The following NEK10 variants were observed in gnomAD, a reference collection of about 807,000 sequenced individuals.
The protein encoded by NEK10 is serine/threonine-protein kinase Nek10.
NEK10 carries 122 observed loss-of-function variants against 159.8 expected under a neutral mutation model. That is an observed-to-expected ratio of 0.76 (90% confidence interval 0.66 to 0.89). The LOEUF (loss-of-function observed/expected upper bound fraction) is 0.89. Among genes scored for constraint, NEK10 ranks in the 40% least tolerant of loss-of-function variants. The probability of loss-of-function intolerance (pLI) is 0.00; values close to 1 mark genes in which losing one functional copy is unlikely to be tolerated. For synonymous variants in NEK10, 466 were observed against 457.1 expected (o/e 1.02, Z -0.25); for missense variants, 1,342 against 1,323.1 (o/e 1.01, Z -0.22).
intron 1 of NEK10, among the ~76,000 whole-genome samples, chr3:27,365,606 T>TG (rs372186868): frequency 0.16 from 17,761 of 108,730 alleles, 1,408 homozygotes; most frequent in Admixed American, 0.21. Flanking sequence ...TGTTTTTTTT[T>TG]TGTGTTTTTT....
chr3:27,330,267 AATC>A (rs1345442987), intron 5 of NEK10, among the ~76,000 whole-genome samples: 1 of 152,202 alleles, frequency 6.6e-6, no homozygotes, highest in Non-Finnish European at 1.5e-5. Flanking sequence ...GAAGAAGGGA[AATC>A]ATCATTTGCT....
chr3:27,247,846 T>C (rs1955242843), intron 23 of NEK10, among the ~76,000 whole-genome samples: 1 of 145,164 alleles, frequency 6.9e-6, no homozygotes, highest in African/African-American at 2.5e-5. Flanking sequence ...TCTGGAGGCG[T>C]CTTTGTCTGG....
At chr3:27,195,360 T>C (rs1335681327) in intron 25 of NEK10, among the ~76,000 whole-genome samples, 2 of 152,236 alleles carry the variant, frequency 1.3e-5, no homozygotes, top group Admixed American at 1.3e-4. Context: ...CTTTCAGAAC[T>C]CAATTTTTTA....
chr3:27,219,100 A>C (rs1433553267), intron 23 of NEK10, among the ~76,000 whole-genome samples: 1 of 152,206 alleles, frequency 6.6e-6, no homozygotes, highest in African/African-American at 2.4e-5. Context: ...TGAACTCTGT[A>C]AGTCTTTCCA....
In NEK10 at chr3:27,291,565, A is replaced by C. The variant is rs1340208564; in HGVS notation, c.1395T>G (p.Phe465Leu). Residue 465 changes from phenylalanine (F) to leucine (L), a missense_variant, in exon 17 of 36, where the codon TTT becomes TTG. Phe to Leu is a conservative substitution (Grantham distance 22). Coordinates refer to ENST00000691995, the MANE Select transcript of NEK10 (RefSeq NM_001394966.1). ...LFKRLFPTDL[F>L]EIFIDIGHYV... ...AATGCCCTATGTCAATGAAGATCTC[A>C]AACAAGTCTGTGGGGAAAAGTCTAC... 2 of 1,603,332 alleles carry C rather than the reference A, an allele frequency of 1.2e-6. No individual in the cohort carries two copies. The highest frequency in any genetic ancestry group is 8.5e-7 in the Non-Finnish European group (1 of 1,170,152).
Position 27,174,660 on chromosome 3 carries a change from A to G in NEK10, c.2679T>C (p.Asn893=), listed in dbSNP as rs768533256. 2 of 1,609,776 alleles carry G rather than the reference A, an allele frequency of 1.2e-6. No homozygotes were observed. Among genetic ancestry groups the G allele is most frequent in the Non-Finnish European group, 1.7e-6 (2 of 1,178,512 alleles). The change falls in exon 27 of 36, where the codon AAT becomes AAC. Residue 893 remains asparagine (N), a synonymous_variant. Transcript: ENST00000691995. ...TGCCACTAGCAGTACCTTTCTCAGC[A>G]TTTTCCAGGTTGAAGTTATCATCTG... ...ILSDDNFNLE[N]AEKDTYSEVD... is the part of the protein sequence containing the mutation.
chr3:27,127,409 A>G (rs1942096151), intron 32 of NEK10, among the ~76,000 whole-genome samples: 1 of 152,278 alleles, frequency 6.6e-6, no homozygotes, highest in Middle Eastern at 3.4e-3. Flanking sequence ...AACATCATAG[A>G]GTGTATTTAC....
chr3:27,131,275 G>T (rs1020200041), intron 32 of NEK10, among the ~76,000 whole-genome samples: 1 of 152,118 alleles, frequency 6.6e-6, no homozygotes, highest in African/African-American at 2.4e-5. Context: ...GGGCTGTATC[G>T]AAAGGTCTAC....
chr3:27,323,711 T>C (rs905537754), intron 5 of NEK10, among the ~76,000 whole-genome samples: 3 of 152,234 alleles, frequency 2.0e-5, no homozygotes, highest in Admixed American at 6.5e-5. Context: ...CACTTCAATG[T>C]CATCAAATGC....
In NEK10 at chr3:27,295,518, C is replaced by T. The variant is rs2149510352; in HGVS notation, c.1308+95G>A. ...CTCATAGTCAGTACAGGGACCAGTACTAACCTAAACATTCTAAAAATCATA... is the reference window on the plus strand; with the variant it reads ...CTCATAGTCAGTACAGGGACCAGTATTAACCTAAACATTCTAAAAATCATA... On this transcript the variant is annotated intron_variant, in intron 15 of 35. Coordinates refer to ENST00000691995, the MANE Select transcript of NEK10 (RefSeq NM_001394966.1). The T allele has an allele frequency of 2.1e-6, 3 of 1,454,398 alleles. No individual in the cohort carries two copies. In the East Asian group the frequency reaches 7.7e-5, roughly 37 times the overall value. The allele number at this position is 1,454,398 out of a possible 1,614,324, so 90.1% of individuals were successfully genotyped here.
intron 1 of NEK10, among the ~76,000 whole-genome samples, chr3:27,364,336 A>C (rs2048895670): frequency 7.0e-6 from 1 of 143,726 alleles, no homozygotes; most frequent in Admixed American, 7.0e-5. Flanking sequence ...GCCCACCACC[A>C]TGCCTGGCTA....
intron 22 of NEK10, among the ~76,000 whole-genome samples, chr3:27,263,770 G>A (rs1273205014): frequency 6.6e-6 from 1 of 152,172 alleles, no homozygotes. Context: ...CTTCCCGGGT[G>A]AGGCAATGCC....
chr3:27,126,483 A>G (rs144880224), intron 32 of NEK10, among the ~76,000 whole-genome samples: 1 of 152,274 alleles, frequency 6.6e-6, no homozygotes, highest in Non-Finnish European at 1.5e-5. Context: ...AAAAAGTCTC[A>G]AGCCTGTTGG....
intron 22 of NEK10, among the ~76,000 whole-genome samples, chr3:27,271,939 A>G (rs2041395571): frequency 6.6e-6 from 1 of 152,158 alleles, no homozygotes; most frequent in Admixed American, 6.5e-5. Flanking sequence ...TGTTTACACT[A>G]TAGCCCTACA....
intron 5 of NEK10, among the ~76,000 whole-genome samples, chr3:27,338,478 A>G (rs1329349203): frequency 6.6e-6 from 1 of 152,300 alleles, no homozygotes; most frequent in East Asian, 1.9e-4. Context: ...GTCAAATGGT[A>G]TTTCTAGTTC....
chr3:27,127,135 C>A lies in NEK10; in HGVS notation c.3081+4745G>T, dbSNP rs145451062. 2.0e-5 allele frequency among the ~76,000 whole-genome samples: 3 copies of A among 152,256 alleles called. No individual in the cohort carries two copies. In the East Asian group the frequency reaches 5.8e-4, roughly 29 times the overall value. Reference sequence around the variant, plus strand: ...GTCACCCAGTTAAAACATGTTCAATCTTGCTTCATTTAAATCTCCCCCACT... The same window carrying A: ...GTCACCCAGTTAAAACATGTTCAATATTGCTTCATTTAAATCTCCCCCACT... On this transcript the variant is annotated intron_variant, in intron 32 of 35. Coordinates refer to ENST00000691995, the MANE Select transcript of NEK10 (RefSeq NM_001394966.1).
chr3:27,353,114 G>A (rs141729972), intron 1 of NEK10, among the ~76,000 whole-genome samples, 195 bp from the exon 2 acceptor site: 1 of 151,976 alleles, frequency 6.6e-6, no homozygotes, highest in Non-Finnish European at 1.5e-5. Context: ...GAACATTTAG[G>A]GCATGCTTTA....
intron 7 of NEK10, among the ~76,000 whole-genome samples, chr3:27,314,087 G>A (rs1344438224): frequency 6.6e-6 from 1 of 152,156 alleles, no homozygotes; most frequent in Non-Finnish European, 1.5e-5. Context: ...GCTGAGTAAA[G>A]TGAGCCCAAT....
At position 27,202,496 on chromosome 3, in the gene NEK10, T is replaced by G. The variant is rs747639656; in HGVS notation, c.2152A>C (p.Ile718Leu). Reference sequence around the variant, plus strand: ...CTCAAAGTCGCCATCTGATAAAGGATGCAGCCTACTGCCCAGACATCAGCC... The same window carrying G: ...CTCAAAGTCGCCATCTGATAAAGGAGGCAGCCTACTGCCCAGACATCAGCC... Reference protein sequence around the residue: ...EKADVWAVGCILYQMATLSPP... With the variant: ...EKADVWAVGCLLYQMATLSPP... Residue 718 changes from isoleucine (I) to leucine (L), a missense_variant, in exon 24 of 36, where the codon ATC (isoleucine) becomes CTC (leucine). Coordinates refer to ENST00000691995, the MANE Select transcript of NEK10 (RefSeq NM_001394966.1). 1.2e-5 allele frequency: 19 copies of G among 1,613,276 alleles called. No homozygotes were observed. The highest frequency in any genetic ancestry group is 1.5e-5 in the Non-Finnish European group (18 of 1,179,608).
Sources: allele counts gnomAD v4.1 joint callset (sites outside exome capture counted in the v4.1 genomes callset), GRCh38; gene constraint gnomAD v4.1.1; transcripts MANE v1.5; gene names NCBI Gene and HGNC (gene_info 2026-07-23, HGNC 2026-07-21).